The following MCF2 variants were observed in gnomAD, a reference collection of about 807,000 sequenced individuals.
The protein encoded by MCF2 is proto-oncogene DBL.
In MCF2, 44 loss-of-function variants were observed where a neutral mutation model predicts 82.5. That is an observed-to-expected ratio of 0.53 (90% confidence interval 0.42 to 0.69). The LOEUF (loss-of-function observed/expected upper bound fraction) is 0.69, where lower values mean the gene tolerates loss of function less well. MCF2 is among the 30% of genes least tolerant of loss of function. The probability of loss-of-function intolerance (pLI) is 0.00; values close to 1 mark genes in which losing one functional copy is unlikely to be tolerated. For synonymous variants in MCF2, 217 were observed against 224.9 expected (o/e 0.96, Z 0.32); for missense variants, 623 against 663.1 (o/e 0.94, Z 0.66).
chrX:139,665,594 C>T (rs1241685954), intron 1 of MCF2, among the ~76,000 whole-genome samples: 3 of 110,792 alleles, frequency 2.7e-5, no homozygotes, highest in South Asian at 7.7e-4. Context: ...CTTTCCTACC[C>T]TCTTCAGTGC....
At chrX:139,694,242 C>T (rs1009838261) in intron 1 of MCF2, among the ~76,000 whole-genome samples, 27 of 110,966 alleles carry the variant, frequency 2.4e-4, no homozygotes, top group African/African-American at 7.8e-4. Flanking sequence ...ATGTTTTCTA[C>T]GTATGTGAAA....
intron 1 of MCF2, among the ~76,000 whole-genome samples, chrX:139,705,844 T>G (rs903585303): frequency 2.7e-5 from 3 of 112,092 alleles, no homozygotes; most frequent in Non-Finnish European, 5.6e-5. Flanking sequence ...TCAGAATCTA[T>G]AGGGAACTTG....
At chrX:139,686,156 C>T (rs953944022) in intron 1 of MCF2, among the ~76,000 whole-genome samples, 2 of 110,375 alleles carry the variant, frequency 1.8e-5, no homozygotes, top group Non-Finnish European at 3.8e-5. Context: ...AACCCACAGC[C>T]GACATCACAC....
chrX:139,645,638 C>A, upstream of MCF2: 1 of 1,188,272 alleles, frequency 8.4e-7, no homozygotes, highest in Non-Finnish European at 1.1e-6. Context: ...AATGGTAAAC[C>A]GGGAGTCTGA....
chrX:139,669,139 G>C (rs1197994445), intron 1 of MCF2, among the ~76,000 whole-genome samples: 2 of 111,834 alleles, frequency 1.8e-5, no homozygotes. Context: ...TCGTATATCT[G>C]ATAAGGGACA....
chrX:139,656,717 T>C (rs1934211482), intron 1 of MCF2, among the ~76,000 whole-genome samples: 1 of 112,272 alleles, frequency 8.9e-6, no homozygotes, highest in Non-Finnish European at 1.9e-5. Context: ...GTTGTGACAC[T>C]GAGTTACACC....
chrX:139,650,826 T>C (rs1260347987), intron 2 of MCF2, among the ~76,000 whole-genome samples: 3 of 111,897 alleles, frequency 2.7e-5, no homozygotes, highest in African/African-American at 9.8e-5. Context: ...GTGTGGAATA[T>C]ACATAAAATG....
chrX:139,606,045 T>A (rs1930982910), intron 12 of MCF2, among the ~76,000 whole-genome samples: 1 of 104,308 alleles, frequency 9.6e-6, no homozygotes, highest in African/African-American at 3.5e-5. Context: ...CCCGCTTTCT[T>A]TCATATATAT....
Position 139,619,716 on chromosome X carries a change from C to A in MCF2, c.688-10G>T. 1 of 1,120,122 alleles carries A rather than the reference C, an allele frequency of 8.9e-7. No individual in the cohort carries two copies. The highest frequency in any genetic ancestry group is 3.2e-5 in the East Asian group (1 of 31,166). 92.3% of individuals were successfully genotyped at this position (1,120,122 alleles called of 1,213,427 possible). On this transcript the variant is annotated splice_polypyrimidine_tract_variant and intron_variant, in intron 6 of 24. Transcript: ENST00000370576. Reference sequence around the variant, plus strand: ...CAACTTCAGTCACAAGCTAAAAATACGAAACAAAGAGGTTTTAAAAACATA... The same window carrying A: ...CAACTTCAGTCACAAGCTAAAAATAAGAAACAAAGAGGTTTTAAAAACATA...
intron 19 of MCF2, 77 bp downstream of exon 23, chrX:139,596,472 G>T: frequency 1.2e-6 from 1 of 816,697 alleles, no homozygotes; most frequent in South Asian, 2.3e-5. Context: ...CTACTCATTT[G>T]AAACAAAAAA....
At chrX:139,595,883 G>T in intron 19 of MCF2, among the ~76,000 whole-genome samples, 1 of 111,140 alleles carries the variant, frequency 9.0e-6, no homozygotes, top group Middle Eastern at 4.7e-3. Context: ...AGTATCATTG[G>T]GTTGTCAATA....
intron 13 of MCF2, 72 bp downstream of exon 17, chrX:139,605,640 TA>T: frequency 1.0e-6 from 1 of 953,700 alleles, no homozygotes; most frequent in Non-Finnish European, 1.5e-6. Flanking sequence ...AGATTGCCCC[TA>T]AACACTTTCT....
At chrX:139,617,756 G>T in intron 7 of MCF2, 52 bp from the exon 11 acceptor site, 1 of 765,558 alleles carries the variant, frequency 1.3e-6, no homozygotes, top group Non-Finnish European at 1.7e-6. Flanking sequence ...TGTTCCTATA[G>T]AGAAAAAAAG....
chrX:139,700,499 TTGTAGTTGGAGGAGAGTTTCACCGCCAC>T (rs1935469919), intron 1 of MCF2, among the ~76,000 whole-genome samples: 1 of 111,899 alleles, frequency 8.9e-6, no homozygotes, highest in African/African-American at 3.3e-5. Context: ...GGAAATACCC[TTGTAGTTGGAGGAGAGTTTCACCGCCAC>T]TGCCCATATT....
At chrX:139,680,877 C>T (rs1210660676) in intron 1 of MCF2, among the ~76,000 whole-genome samples, 1 of 112,476 alleles carries the variant, frequency 8.9e-6, no homozygotes, top group Non-Finnish European at 1.9e-5. Flanking sequence ...GTTTGTAATG[C>T]ATGCAGAAGA....
Position 139,696,334 on chromosome X carries a change from T to TTTCTCTTCTC in MCF2, c.-45+11762_-45+11771dup, listed in dbSNP as rs201683853. Among the ~76,000 whole-genome samples the TTTCTCTTCTC allele has an allele frequency of 1.4e-3, 121 of 85,159 alleles. 2 individuals carry two copies. The highest frequency in any genetic ancestry group is 3.1e-3 in the East Asian group (8 of 2,571). 74.0% of individuals were successfully genotyped at this position (85,159 alleles called of 115,157 possible). ...TTTTCTTTCTTTCCTTCCTTCCTTC[T>TTTCTCTTCTC]TTCTCTTCTCTCCTCTCCTCTCCTC... On this transcript the variant is annotated intron_variant, in intron 1 of 27. Coordinates refer to the MCF2 transcript ENST00000414978.
chrX:139,696,701 T>C (rs1330528360), intron 1 of MCF2, among the ~76,000 whole-genome samples: 2 of 111,662 alleles, frequency 1.8e-5, no homozygotes, highest in Non-Finnish European at 3.8e-5. Flanking sequence ...ATTATTTCAT[T>C]ATAGTAAATT....
chrX:139,653,147 A>C (rs17002209), intron 1 of MCF2, among the ~76,000 whole-genome samples: 1,237 of 112,058 alleles, frequency 0.011, 3 homozygotes, highest in Middle Eastern at 0.028. Flanking sequence ...TAGATGTTTA[A>C]TCAGATAAAA....
chrX:139,686,877 A>G (rs1213641096), intron 1 of MCF2, among the ~76,000 whole-genome samples: 1 of 111,451 alleles, frequency 9.0e-6, no homozygotes, highest in Non-Finnish European at 1.9e-5. Context: ...CCTATTCTCT[A>G]CACAGCATCC....
Sources: allele counts gnomAD v4.1 joint callset (sites outside exome capture counted in the v4.1 genomes callset), GRCh38; gene constraint gnomAD v4.1.1; transcripts MANE v1.5; gene names NCBI Gene and HGNC (gene_info 2026-07-23, HGNC 2026-07-21).